ARID1B: variants seen among roughly 807,000 people sequenced by gnomAD.
ARID1B encodes the protein AT-rich interactive domain-containing protein 1B.
In ARID1B, 30 loss-of-function variants were observed where a neutral mutation model predicts 212.3. The ratio of observed to expected loss-of-function variants is 0.14; its 90% confidence interval spans 0.11 to 0.19. The LOEUF (loss-of-function observed/expected upper bound fraction) is 0.19. Ranked by LOEUF, ARID1B falls within the 10% of genes least tolerant of loss-of-function variation. ARID1B has a pLI of 1.00. For missense variants in ARID1B, 2,891 were observed against 3,204.0 expected (o/e 0.90, Z 2.36); for synonymous variants, 1,402 against 1,301.7 (o/e 1.08, Z -1.66).
chr6:157,082,510 T>G (rs564678830), intron 4 of ARID1B, among the ~76,000 whole-genome samples: 3 of 152,320 alleles, frequency 2.0e-5, no homozygotes, highest in South Asian at 4.1e-4. Flanking sequence ...TACCTTTGAA[T>G]TCTAACAATC....
At chr6:156,934,072 C>T (rs538066348) in intron 3 of ARID1B, among the ~76,000 whole-genome samples, 1 of 152,208 alleles carries the variant, frequency 6.6e-6, no homozygotes, top group African/African-American at 2.4e-5. Flanking sequence ...AGGGACTTAA[C>T]AGAAGTAGAA....
At chr6:156,860,284 A>G (rs1173634980) in intron 2 of ARID1B, among the ~76,000 whole-genome samples, 2 of 151,904 alleles carry the variant, frequency 1.3e-5, no homozygotes, top group Non-Finnish European at 2.9e-5. Flanking sequence ...TTTATTATAG[A>G]TAATATAGAG....
intron 4 of ARID1B, among the ~76,000 whole-genome samples, chr6:157,026,524 T>C (rs866649495): frequency 4.6e-5 from 7 of 152,332 alleles, no homozygotes; most frequent in Middle Eastern, 6.8e-3. Context: ...GCCTGCCTTC[T>C]TCTCGGGGCC....
chr6:156,946,015 G>A (rs773985465), intron 4 of ARID1B, among the ~76,000 whole-genome samples: 12 of 151,946 alleles, frequency 7.9e-5, no homozygotes, highest in Non-Finnish European at 1.0e-4. Context: ...TCTCAACAAC[G>A]ACAAAGGTGA....
intron 1 of ARID1B, among the ~76,000 whole-genome samples, chr6:156,821,185 ACTT>A (rs1420201426): frequency 1.3e-5 from 2 of 152,222 alleles, no homozygotes; most frequent in Non-Finnish European, 2.9e-5. Context: ...ATAAAGACCA[ACTT>A]CTTCTACTAG....
intron 1 of ARID1B, among the ~76,000 whole-genome samples, chr6:156,812,969 T>TACATAC (rs1781665369): frequency 4.8e-5 from 7 of 145,324 alleles, no homozygotes; most frequent in South Asian, 4.3e-4. Context: ...TGTGTGTGTG[T>TACATAC]GTGTGTGTAT....
chr6:156,838,279 G>A (rs759693173), intron 2 of ARID1B, among the ~76,000 whole-genome samples: 2 of 152,038 alleles, frequency 1.3e-5, no homozygotes, highest in Admixed American at 1.3e-4. Flanking sequence ...GCAAAAATAC[G>A]CAGGTATTAG....
At chr6:157,195,965 G>A (rs1257102197) in intron 15 of ARID1B, 200 bp from the exon 16 acceptor site, 20 of 518,836 alleles carry the variant, frequency 3.9e-5, no homozygotes, top group Non-Finnish European at 5.9e-5. Flanking sequence ...GGAGGGTGAC[G>A]CAGGAGAATC....
At chr6:157,015,305 A>G (rs1254069437) in intron 4 of ARID1B, among the ~76,000 whole-genome samples, 1 of 152,208 alleles carries the variant, frequency 6.6e-6, no homozygotes, top group Non-Finnish European at 1.5e-5. Flanking sequence ...GACAATACAG[A>G]AGTTAGTTAG....
chr6:156,977,431 A>C (rs1338643397), intron 4 of ARID1B, among the ~76,000 whole-genome samples: 2 of 151,992 alleles, frequency 1.3e-5, no homozygotes, highest in Non-Finnish European at 2.9e-5. Flanking sequence ...ATTACCATTA[A>C]ATCTATCCAG....
chr6:157,055,166 T>C (rs1450001299), intron 4 of ARID1B, among the ~76,000 whole-genome samples: 1 of 152,204 alleles, frequency 6.6e-6, no homozygotes, highest in Non-Finnish European at 1.5e-5. Flanking sequence ...CCATTTGCAT[T>C]GGTTTCCCTT....
rs879892169 is a variant in ARID1B, at chr6:157,190,196, G to A, written c.4217G>A (p.Gly1406Glu). The change falls in exon 15 of 20, where the codon GGG becomes GAG. Residue 1406 changes from glycine to glutamate, a missense_variant. Gly to Glu is a moderately conservative substitution (Grantham distance 98). Transcript: ENST00000636930. The surrounding 1 kb of genome is among the most constrained non-coding windows in gnomAD (Gnocchi z 4.6). ...MPYEPNKDPF[G>E]GMRKVPGSSE... ...TATGAGCCCAACAAGGACCCCTTTGGGGGAATGAGAAAAGGTACGTGTAGA... is the reference window on the plus strand; with the variant it reads ...TATGAGCCCAACAAGGACCCCTTTGAGGGAATGAGAAAAGGTACGTGTAGA... 6.2e-7 allele frequency: 1 copy of A among 1,612,356 alleles called. No homozygotes were observed. The highest frequency in any genetic ancestry group is 8.5e-7 in the Non-Finnish European group (1 of 1,179,536).
intron 4 of ARID1B, among the ~76,000 whole-genome samples, chr6:156,945,709 A>G (rs1793070083): frequency 6.6e-6 from 1 of 152,172 alleles, no homozygotes; most frequent in African/African-American, 2.4e-5. Context: ...ACTATTTTTG[A>G]AAGTCTGGTT....
At chr6:156,879,168 C>G (rs1786839043) in intron 2 of ARID1B, among the ~76,000 whole-genome samples, 1 of 152,180 alleles carries the variant, frequency 6.6e-6, no homozygotes, top group Admixed American at 6.5e-5. Context: ...GGAGCCTCTT[C>G]CAAAGGACTG....
intron 7 of ARID1B, among the ~76,000 whole-genome samples, chr6:157,140,414 G>A (rs1238229747): frequency 2.0e-5 from 3 of 149,966 alleles, no homozygotes; most frequent in Non-Finnish European, 4.5e-5. Flanking sequence ...AGGTTGCAGT[G>A]AGCCGAGATC....
At chr6:156,858,212 CA>C (rs1258705559) in intron 2 of ARID1B, among the ~76,000 whole-genome samples, 1 of 150,020 alleles carries the variant, frequency 6.7e-6, no homozygotes, top group Non-Finnish European at 1.5e-5. Context: ...TGATGATTAA[CA>C]GAGGCTGGAA....
chr6:157,167,094 C>A lies in ARID1B; in HGVS notation c.3144C>A (p.Pro1048=), dbSNP rs373256784. ...NQSGLMASSS[P]YSQPMNNSSS... ...GTGGACTTATGGCTTCCAGCTCTCC[C>A]TACAGCCAGCCCATGAACAACAGCT... Residue 1048 remains proline, a synonymous_variant, in exon 9 of 20, where the codon CCC becomes CCA. Coordinates refer to ENST00000636930, the MANE Select transcript of ARID1B (RefSeq NM_001374828.1). The A allele has an allele frequency of 4.3e-6, 7 of 1,612,580 alleles. No homozygotes were observed. In the African/African-American group the frequency reaches 8.0e-5, roughly 18 times the overall value.
chr6:156,989,517 A>T (rs1416336875), intron 4 of ARID1B, among the ~76,000 whole-genome samples: 1 of 152,214 alleles, frequency 6.6e-6, no homozygotes, highest in Non-Finnish European at 1.5e-5. Context: ...TCAAAGGTAG[A>T]TAGTCATTAA....
At chr6:156,988,124 T>A (rs1029502674) in intron 4 of ARID1B, among the ~76,000 whole-genome samples, 1 of 152,048 alleles carries the variant, frequency 6.6e-6, no homozygotes, top group Non-Finnish European at 1.5e-5. Flanking sequence ...AGTTTTAGGG[T>A]GAAGGTAGAG....
Sources: allele counts gnomAD v4.1 joint callset (sites outside exome capture counted in the v4.1 genomes callset), GRCh38; gene constraint gnomAD v4.1.1; non-coding constraint Gnocchi (gnomAD v3.1); transcripts MANE v1.5; gene names NCBI Gene and HGNC (gene_info 2026-07-23, HGNC 2026-07-21).